RAP1GAP2: variants seen among roughly 807,000 people sequenced by gnomAD.
The protein encoded by RAP1GAP2 is rap1 GTPase-activating protein 2.
In RAP1GAP2, 27 loss-of-function variants were observed where a neutral mutation model predicts 95.0. That is an observed-to-expected ratio of 0.28 (90% CI 0.21 to 0.39). RAP1GAP2 has a LOEUF of 0.39. RAP1GAP2 is among the 10% of genes least tolerant of loss of function. The probability of loss-of-function intolerance (pLI) is 1.00; values close to 1 mark genes in which losing one functional copy is unlikely to be tolerated. For missense variants in RAP1GAP2, 771 were observed against 970.0 expected (o/e 0.79, Z 2.72); for synonymous variants, 373 against 380.9 (o/e 0.98, Z 0.24).
chr17:2,929,173 C>T (rs1482127641), intron 3 of RAP1GAP2, among the ~76,000 whole-genome samples: 1 of 152,174 alleles, frequency 6.6e-6, no homozygotes, highest in East Asian at 1.9e-4. Flanking sequence ...TTTGAGGCTG[C>T]AGTGAACCAT....
chr17:2,786,714 G>A (rs906194802), intron 1 of RAP1GAP2, among the ~76,000 whole-genome samples: 7 of 150,458 alleles, frequency 4.7e-5, no homozygotes, highest in African/African-American at 9.8e-5. Context: ...GCGTGGTCTC[G>A]GGCTCACTGC....
intron 2 of RAP1GAP2, among the ~76,000 whole-genome samples, chr17:2,879,335 C>T (rs371290869): frequency 1.2e-4 from 18 of 148,736 alleles, no homozygotes; most frequent in Admixed American, 8.8e-4. Context: ...AGGCTGGTTT[C>T]GAACTACTGA....
chr17:2,921,018 C>T (rs1052087421), intron 3 of RAP1GAP2, among the ~76,000 whole-genome samples: 7 of 152,094 alleles, frequency 4.6e-5, no homozygotes, highest in African/African-American at 1.4e-4. Context: ...TCAGTGGGTT[C>T]CTCCTGTGTG....
chr17:2,768,517 C>A (rs909709777), intron 1 of RAP1GAP2, among the ~76,000 whole-genome samples: 2 of 151,606 alleles, frequency 1.3e-5, no homozygotes, highest in African/African-American at 4.8e-5. Context: ...CATGGTGAAA[C>A]CCCATCTCTA....
At chr17:3,020,636 G>T (rs1418831564) in intron 19 of RAP1GAP2, 41 bp downstream of exon 19, 3 of 1,567,792 alleles carry the variant, frequency 1.9e-6, no homozygotes, top group East Asian at 2.3e-5. Context: ...GACTTGCGGG[G>T]TCTGTCAACC....
At chr17:2,938,832 C>T (rs190343123) in intron 3 of RAP1GAP2, among the ~76,000 whole-genome samples, 8 of 151,976 alleles carry the variant, frequency 5.3e-5, no homozygotes, top group East Asian at 3.9e-4. Flanking sequence ...ACTAAAAATA[C>T]GAAAATTAGC....
chr17:2,826,147 A>ATTTTTTTTTTTTTTTTTTTTTTTTT (rs71150901), intron 2 of RAP1GAP2, among the ~76,000 whole-genome samples: 1 of 108,864 alleles, frequency 9.2e-6, no homozygotes, highest in Non-Finnish European at 1.7e-5. Context: ...CGCCCAGCAA[A>ATTTTTTTTTTTTTTTTTTTTTTTTT]TTTTTTTTTT....
intron 3 of RAP1GAP2, among the ~76,000 whole-genome samples, chr17:2,935,722 G>C (rs535806860): frequency 6.6e-5 from 10 of 152,326 alleles, no homozygotes; most frequent in Admixed American, 2.6e-4. Context: ...GGAAGTGCCG[G>C]AGGATGGGGA....
chr17:2,767,054 TCTCC>T (rs1431696779), intron 1 of RAP1GAP2, among the ~76,000 whole-genome samples: 1 of 151,792 alleles, frequency 6.6e-6, no homozygotes, highest in African/African-American at 2.4e-5. Context: ...CCTCCAGTCT[TCTCC>T]CTCGTTAAAG....
At chr17:2,799,360 G>C (rs2069187709) in intron 1 of RAP1GAP2, among the ~76,000 whole-genome samples, 1 of 152,210 alleles carries the variant, frequency 6.6e-6, no homozygotes, top group Non-Finnish European at 1.5e-5. Flanking sequence ...CGCTTGCTTT[G>C]CTGTTGTAAC....
At position 2,867,130 on chromosome 17, in the gene RAP1GAP2, G is replaced by A. The variant is rs1273182027; in HGVS notation, c.81-38154G>A. The stretch of plus-strand genomic sequence containing the variant: ...TGGCCAGGCTGGTCTCGAACTCCTG[G>A]TGTCGTGATTCCCCTCACCTTGGCC... On this transcript the variant is annotated intron_variant, in intron 2 of 24. Coordinates refer to ENST00000254695, the MANE Select transcript of RAP1GAP2 (RefSeq NM_015085.5). This position sits in a 1 kb window ranked among gnomAD's most constrained non-coding sequence, Gnocchi z 4.5. Among the ~76,000 whole-genome samples the A allele has an allele frequency of 1.3e-5, 2 of 151,072 alleles. No individual in the cohort carries two copies. The highest frequency in any genetic ancestry group is 2.9e-5 in the Non-Finnish European group (2 of 67,814).
intron 3 of RAP1GAP2, among the ~76,000 whole-genome samples, chr17:2,916,725 C>T (rs1476510591): frequency 6.6e-6 from 1 of 152,106 alleles, no homozygotes; most frequent in African/African-American, 2.4e-5. Flanking sequence ...GCAGGTGCTC[C>T]GTGATGGACT....
chr17:2,852,893 A>C (rs1242932028), intron 2 of RAP1GAP2, among the ~76,000 whole-genome samples: 4 of 152,078 alleles, frequency 2.6e-5, no homozygotes, highest in Admixed American at 1.3e-4. Flanking sequence ...CGACCTTCCG[A>C]CCTTCCGCCC....
At chr17:2,809,957 G>A (rs1015503927) in intron 2 of RAP1GAP2, among the ~76,000 whole-genome samples, 1 of 152,070 alleles carries the variant, frequency 6.6e-6, no homozygotes, top group African/African-American at 2.4e-5. Flanking sequence ...CAGCTAGCAG[G>A]GAGTTGGGGA....
At chr17:2,919,476 C>G (rs1187554004) in intron 3 of RAP1GAP2, among the ~76,000 whole-genome samples, 1 of 152,094 alleles carries the variant, frequency 6.6e-6, no homozygotes, top group African/African-American at 2.4e-5. Context: ...TCTTTCCTAA[C>G]TTCTTTTGCC....
intron 2 of RAP1GAP2, among the ~76,000 whole-genome samples, chr17:2,837,885 G>A (rs1258952964): frequency 6.8e-6 from 1 of 147,512 alleles, no homozygotes; most frequent in Admixed American, 6.8e-5. Context: ...GGATTACAGG[G>A]GTGAGCCACC....
intron 3 of RAP1GAP2, among the ~76,000 whole-genome samples, chr17:2,928,638 G>A (rs1004419702): frequency 6.6e-6 from 1 of 152,164 alleles, no homozygotes; most frequent in African/African-American, 2.4e-5. Flanking sequence ...CCGGCAGGGC[G>A]AGTAAACAGG....
At chr17:2,962,442 C>G (rs911336390) in intron 4 of RAP1GAP2, 2 of 507,520 alleles carry the variant, frequency 3.9e-6, no homozygotes, top group Non-Finnish European at 6.8e-6. Flanking sequence ...GGGATTTGAA[C>G]CCCGGCGATC....
chr17:2,872,790 C>T (rs2151643578), intron 2 of RAP1GAP2, among the ~76,000 whole-genome samples: 1 of 151,912 alleles, frequency 6.6e-6, no homozygotes, highest in South Asian at 2.1e-4. Context: ...CTCAAGGGAT[C>T]CTCCTGCCTC....
Sources: gnomAD v4.1 joint callset for allele counts (sites outside exome capture counted in the v4.1 genomes callset) on GRCh38, gnomAD v4.1.1 for gene constraint, Gnocchi (gnomAD v3.1) non-coding constraint, MANE v1.5 for transcripts, NCBI Gene and HGNC (gene_info 2026-07-23, HGNC 2026-07-21) for gene names.